Variants in TJP3 observed in about 807,000 individuals in gnomAD.
TJP3 encodes the protein tight junction protein ZO-3.
A neutral mutation model predicts 104.2 loss-of-function variants in TJP3; 85 were observed. That is an observed-to-expected ratio of 0.82 (90% CI 0.68 to 0.98). The LOEUF is 0.98. TJP3 is among the 50% of genes least tolerant of loss of function. The probability of loss-of-function intolerance (pLI) is 0.00; values close to 1 mark genes in which losing one functional copy is unlikely to be tolerated. For synonymous variants in TJP3, 550 were observed against 550.6 expected, an observed-to-expected ratio of 1.00 and a Z score of 0.02; for missense variants, 1,367 against 1,322.8, an observed-to-expected ratio of 1.03 and a Z score of -0.52.
chr19:3,714,424 C>T (rs981038361), intron 1 of TJP3, among the ~76,000 whole-genome samples: 3 of 149,806 alleles, frequency 2.0e-5, no homozygotes, highest in Admixed American at 6.6e-5. Context: ...GTGATCCACC[C>T]GCGTTGGCCT....
chr19:3,739,271 C>T, intron 13 of TJP3, 137 bp downstream of exon 13: 2 of 709,450 alleles, frequency 2.8e-6, no homozygotes, highest in Non-Finnish European at 2.2e-6. Flanking sequence ...GTGGGCAGAT[C>T]ATGAGGTCAA....
At chr19:3,728,812 C>T (rs1044532929) in intron 3 of TJP3, 99 bp downstream of exon 3, 22 of 1,335,690 alleles carry the variant, frequency 1.6e-5, no homozygotes, top group East Asian at 4.7e-5. Context: ...CAGCACTTTG[C>T]GAGGCTGAAG....
Position 3,734,345 on chromosome 19 carries a change from C to T in TJP3, c.896C>T (p.Ser299Leu), listed in dbSNP as rs145208682. The T allele has an allele frequency of 1.1e-4, 180 of 1,613,796 alleles. 1 individual carries two copies. The highest frequency in any genetic ancestry group is 2.2e-4 in the Admixed American group (13 of 59,988). The change falls in exon 8 of 21, where the codon TCG (serine) becomes TTG (leucine). Residue 299 changes from serine to leucine, a missense_variant. By Grantham distance (145) the Ser-to-Leu change is moderately radical (BLOSUM62 -2). Coordinates refer to ENST00000541714, the MANE Select transcript of TJP3 (RefSeq NM_001267560.2). ...CCTGCAGACATCTCGGACCTCGCCT[C>T]GGAGCTATCGCAGGCACCACCATCC... Reference protein sequence around the residue: ...SPLEDISDLASELSQAPPSHI... With the variant: ...SPLEDISDLALELSQAPPSHI...
intron 1 of TJP3, among the ~76,000 whole-genome samples, chr19:3,710,778 A>AAGC (rs1174752553): frequency 6.6e-6 from 1 of 151,346 alleles, no homozygotes; most frequent in African/African-American, 2.4e-5. Flanking sequence ...AAGGCAGGCC[A>AAGC]AGCTTCCTGC....
intron 1 of TJP3, among the ~76,000 whole-genome samples, chr19:3,727,479 G>T (rs1217258564): frequency 2.6e-5 from 3 of 113,436 alleles, no homozygotes; most frequent in East Asian, 5.3e-4. Context: ...GCGAAACTCT[G>T]TCTCAAAAAA....
rs899054621 is a variant in TJP3, at chr19:3,742,415, A to G, written c.1844-1524A>G. On this transcript the variant is annotated intron_variant, in intron 14 of 20. Transcript: ENST00000541714. ...GCTGCTGCACTCTAGCCTGGGCAAC[A>G]AAGCCAGACTCTGGGGGGAAAAATG... Among the ~76,000 whole-genome samples the G allele has an allele frequency of 8.6e-5, 13 of 152,046 alleles. No homozygotes were observed. The East Asian group carries it at 2.5e-3, about 30-fold the overall frequency.
chr19:3,721,519 A>T (rs543374767), intron 1 of TJP3: 2 of 172,832 alleles, frequency 1.2e-5, no homozygotes, highest in Middle Eastern at 2.4e-3. Flanking sequence ...CGCGGGGGTT[A>T]TTCCTGCCGG....
chr19:3,719,274 G>A (rs1318194023), intron 1 of TJP3, among the ~76,000 whole-genome samples: 1 of 152,122 alleles, frequency 6.6e-6, no homozygotes, highest in Non-Finnish European at 1.5e-5. Flanking sequence ...GAAGGGCTGA[G>A]TTGCCTGTAG....
At chr19:3,716,793 A>G (rs1359113599) in intron 1 of TJP3, among the ~76,000 whole-genome samples, 1 of 68,012 alleles carries the variant, frequency 1.5e-5, no homozygotes, top group Admixed American at 2.1e-4. Context: ...ATATATATAT[A>G]TATATATATT....
intron 1 of TJP3, among the ~76,000 whole-genome samples, chr19:3,718,212 A>AGTGTGTGTGT (rs71339057): frequency 9.5e-4 from 46 of 48,274 alleles, no homozygotes; most frequent in Non-Finnish European, 1.5e-3. Flanking sequence ...AAAAAAAAAA[A>AGTGTGTGTGT]GTGTGTGTGT....
At chr19:3,749,812 T>A in intron 19 of TJP3, 1 of 414,976 alleles carries the variant, frequency 2.4e-6, no homozygotes, top group Non-Finnish European at 4.4e-6. Flanking sequence ...TGCTCAACTG[T>A]CCATGGCAGG....
chr19:3,748,363 C>A (rs1355228124), intron 19 of TJP3, among the ~76,000 whole-genome samples: 1 of 151,342 alleles, frequency 6.6e-6, no homozygotes, highest in African/African-American at 2.4e-5. Context: ...CCTCCACCTC[C>A]CAGGTTCAAG....
rs150234995 is a variant in TJP3, at chr19:3,741,338, T to C, written c.1843+575T>C. Among the ~76,000 whole-genome samples the C allele has an allele frequency of 3.8e-3, 575 of 151,790 alleles. 2 individuals are homozygous for C. Among genetic ancestry groups the C allele is most frequent in the African/African-American group, 0.013 (541 of 41,402 alleles). ...TTAAAAAGATAGCTGGGCATGGTGG[T>C]GCATACCTATAGTCCCCGCTGCTTG... On this transcript the variant is annotated intron_variant, in intron 14 of 20. Coordinates refer to ENST00000541714, the MANE Select transcript of TJP3 (RefSeq NM_001267560.2).
At chr19:3,718,881 C>T (rs905088110) in intron 1 of TJP3, among the ~76,000 whole-genome samples, 1 of 152,006 alleles carries the variant, frequency 6.6e-6, no homozygotes, top group Non-Finnish European at 1.5e-5. Flanking sequence ...AAATACACGG[C>T]TATTTAAAGA....
chr19:3,734,707 CA>C (rs983054800), intron 8 of TJP3, among the ~76,000 whole-genome samples: 14 of 152,290 alleles, frequency 9.2e-5, no homozygotes, highest in African/African-American at 3.1e-4. Flanking sequence ...GTAATCTCAG[CA>C]CTTTGGGAGG....
intron 14 of TJP3, among the ~76,000 whole-genome samples, chr19:3,742,436 A>G (rs1171303684): frequency 6.6e-6 from 1 of 151,746 alleles, no homozygotes; most frequent in Non-Finnish European, 1.5e-5. Context: ...CTGGGGGGAA[A>G]AATGCCTCAT....
chr19:3,740,594 G>A lies in TJP3; in HGVS notation c.1674G>A (p.Val558=), dbSNP rs1377512105. 6.5e-7 allele frequency: 1 copy of A among 1,544,812 alleles called. No homozygotes were observed. The highest frequency in any genetic ancestry group is 8.7e-7 in the Non-Finnish European group (1 of 1,146,956). The change falls in exon 14 of 21, where the codon GTG becomes GTA. Residue 558 remains valine, a synonymous_variant. Coordinates refer to ENST00000541714, the MANE Select transcript of TJP3 (RefSeq NM_001267560.2). ...LASLEAAQRA[V]GVGPGSSAGS... is the part of the protein sequence containing the mutation. ...GCCTGGAAGCTGCCCAGAGGGCCGTGGGAGTCGGGCCCGGCTCCTCCGCGG... is the reference window on the plus strand; with the variant it reads ...GCCTGGAAGCTGCCCAGAGGGCCGTAGGAGTCGGGCCCGGCTCCTCCGCGG...
At chr19:3,743,879 A>G (rs928992379) in intron 14 of TJP3, 60 bp from the exon 15 acceptor site, 8 of 1,499,918 alleles carry the variant, frequency 5.3e-6, no homozygotes, top group East Asian at 2.3e-5. Context: ...TGTACAACAC[A>G]CTAGCAGTCT....
rs889388173 is a variant in TJP3, at chr19:3,728,363, C to A, written c.-9-61C>A. 2.5e-6 allele frequency: 4 copies of A among 1,613,270 alleles called. No individual in the cohort carries two copies. The East Asian group carries it at 6.7e-5, about 27-fold the overall frequency. On this transcript the variant is annotated intron_variant, in intron 1 of 20. Transcript: ENST00000541714. ...GACTCCCCACCCTGAGCTGGGGACC[C>A]CCAAGTGCTCAGATGAACCTGTGTG...
Sources: gnomAD v4.1 joint callset for allele counts (sites outside exome capture counted in the v4.1 genomes callset) on GRCh38, gnomAD v4.1.1 for gene constraint, MANE v1.5 for transcripts, NCBI Gene and HGNC (gene_info 2026-07-23, HGNC 2026-07-21) for gene names.